The following KCNB2 variants were observed in gnomAD, a reference collection of about 807,000 sequenced individuals.
The protein encoded by KCNB2 is delayed rectifier potassium channel protein.
In KCNB2, 15 loss-of-function variants were observed where a neutral mutation model predicts 61.5. The observed-to-expected ratio is 0.24, with a 90% CI of 0.16 to 0.38. KCNB2 has a LOEUF of 0.38. Among genes scored for constraint, KCNB2 ranks in the 10% least tolerant of loss-of-function variants. The pLI, the probability that KCNB2 is intolerant of heterozygous loss-of-function variation, is 1.00. For synonymous variants in KCNB2, 457 were observed against 446.0 expected, an observed-to-expected ratio of 1.02 and a Z score of -0.31; for missense variants, 828 against 1,125.2, an observed-to-expected ratio of 0.74 and a Z score of 3.78.
At chr8:72,841,497 G>T (rs1038565225) in intron 2 of KCNB2, among the ~76,000 whole-genome samples, 1 of 150,292 alleles carries the variant, frequency 6.7e-6, no homozygotes, top group East Asian at 2.0e-4. Flanking sequence ...GATGGGGATA[G>T]CATTGAATCT....
At chr8:72,752,966 A>G (rs1459600552) in intron 2 of KCNB2, among the ~76,000 whole-genome samples, 7 of 152,184 alleles carry the variant, frequency 4.6e-5, no homozygotes, top group Non-Finnish European at 1.0e-4. Flanking sequence ...TGACATTTAG[A>G]TGACATATTT....
chr8:72,932,989 C>T (rs182380198), intron 2 of KCNB2, among the ~76,000 whole-genome samples: 8 of 152,248 alleles, frequency 5.3e-5, no homozygotes, highest in African/African-American at 1.7e-4. Context: ...TAAGTCCTTC[C>T]TCTAAATTGA....
intron 2 of KCNB2, among the ~76,000 whole-genome samples, chr8:72,749,155 A>T (rs1489291027): frequency 6.6e-6 from 1 of 152,060 alleles, no homozygotes; most frequent in African/African-American, 2.4e-5. Context: ...ACCAGGTCTC[A>T]CTCTGTTGTC....
At chr8:72,899,967 C>T (rs555920752) in intron 2 of KCNB2, among the ~76,000 whole-genome samples, 35 of 152,066 alleles carry the variant, frequency 2.3e-4, no homozygotes, top group Non-Finnish European at 3.8e-4. Flanking sequence ...CCCAGAAGTT[C>T]AAGACCAGCT....
At chr8:72,793,479 G>A (rs207469346) in intron 2 of KCNB2, among the ~76,000 whole-genome samples, 4 of 152,256 alleles carry the variant, frequency 2.6e-5, no homozygotes, top group South Asian at 4.2e-4. Flanking sequence ...AAAATACCAC[G>A]AAGGAAAGCA....
At chr8:72,633,851 C>T (rs1024248865) in intron 2 of KCNB2, among the ~76,000 whole-genome samples, 2 of 152,258 alleles carry the variant, frequency 1.3e-5, no homozygotes, top group South Asian at 2.1e-4. Context: ...GTGATATAAA[C>T]GTACCCTGCT....
At position 72,798,408 on chromosome 8, in the gene KCNB2, A is replaced by T. The variant is rs987351720; in HGVS notation, c.580-137527A>T. ...AAGGCAGGCTCTGTGTATATTTCTT[A>T]TATCATCCTACCATAGCACTCAGCA... On this transcript the variant is annotated intron_variant, in intron 2 of 2. Transcript: ENST00000523207. Among the ~76,000 whole-genome samples the T allele has an allele frequency of 5.3e-5, 8 of 152,268 alleles. No homozygotes were observed. In the East Asian group the frequency reaches 1.2e-3, roughly 22 times the overall value.
At chr8:72,614,907 T>A (rs886138591) in intron 2 of KCNB2, among the ~76,000 whole-genome samples, 1 of 152,188 alleles carries the variant, frequency 6.6e-6, no homozygotes, top group Non-Finnish European at 1.5e-5. Flanking sequence ...GCTGAAATAC[T>A]TTTGAGGGAC....
intron 2 of KCNB2, among the ~76,000 whole-genome samples, chr8:72,770,528 A>G (rs1426175603): frequency 6.6e-6 from 1 of 152,202 alleles, no homozygotes; most frequent in East Asian, 1.9e-4. Context: ...ATAGCAGTGA[A>G]GTATTGGAGC....
chr8:72,852,675 T>G (rs1810138575), intron 2 of KCNB2, among the ~76,000 whole-genome samples: 2 of 152,220 alleles, frequency 1.3e-5, no homozygotes, highest in Non-Finnish European at 2.9e-5. Flanking sequence ...AATCTGATGG[T>G]TAATTTCTCA....
At chr8:72,887,549 A>T (rs1805826753) in intron 2 of KCNB2, among the ~76,000 whole-genome samples, 1 of 152,140 alleles carries the variant, frequency 6.6e-6, no homozygotes, top group Non-Finnish European at 1.5e-5. Flanking sequence ...TTCTGACCAA[A>T]AGCCACTGTG....
chr8:72,810,124 A>G (rs968306844), intron 2 of KCNB2, among the ~76,000 whole-genome samples: 1 of 152,152 alleles, frequency 6.6e-6, no homozygotes, highest in African/African-American at 2.4e-5. Context: ...CCATGGGGAA[A>G]GAGGAATGTC....
At chr8:72,600,814 A>T (rs894637396) in intron 2 of KCNB2, among the ~76,000 whole-genome samples, 5 of 152,062 alleles carry the variant, frequency 3.3e-5, no homozygotes, top group African/African-American at 9.7e-5. Flanking sequence ...ATAGAGGGGA[A>T]CAACAAATAC....
chr8:72,805,469 T>C (rs1198937937), intron 2 of KCNB2, among the ~76,000 whole-genome samples: 1 of 152,072 alleles, frequency 6.6e-6, no homozygotes, highest in African/African-American at 2.4e-5. Flanking sequence ...CTAAGGGAAT[T>C]AGAAGATGGA....
chr8:72,688,975 T>C (rs1459159983), intron 2 of KCNB2, among the ~76,000 whole-genome samples: 2 of 152,168 alleles, frequency 1.3e-5, no homozygotes, highest in Non-Finnish European at 2.9e-5. Context: ...GCAATCTGTC[T>C]GTGTCAGTCT....
chr8:72,883,298 A>G (rs1367279413), intron 2 of KCNB2, among the ~76,000 whole-genome samples: 1 of 152,212 alleles, frequency 6.6e-6, no homozygotes, highest in Non-Finnish European at 1.5e-5. Flanking sequence ...CCAGCCACCA[A>G]CAAGCATCTT....
At chr8:72,854,321 T>C (rs898144418) in intron 2 of KCNB2, among the ~76,000 whole-genome samples, 2 of 152,212 alleles carry the variant, frequency 1.3e-5, no homozygotes, top group Non-Finnish European at 2.9e-5. Context: ...AGGTATCAGT[T>C]ATATATTTTT....
intron 2 of KCNB2, among the ~76,000 whole-genome samples, chr8:72,786,323 G>A (rs926522557): frequency 3.3e-5 from 5 of 152,114 alleles, no homozygotes; most frequent in African/African-American, 1.2e-4. Context: ...ATCTTAGCAT[G>A]AGCAATATAT....
At chr8:72,684,362 G>A (rs909040191) in intron 2 of KCNB2, among the ~76,000 whole-genome samples, 7 of 152,198 alleles carry the variant, frequency 4.6e-5, no homozygotes, top group African/African-American at 7.2e-5. Context: ...GAAAACCAGC[G>A]AGAGGTCAGG....
Sources: allele counts gnomAD v4.1 joint callset (sites outside exome capture counted in the v4.1 genomes callset), GRCh38; gene constraint gnomAD v4.1.1; transcripts MANE v1.5; gene names NCBI Gene and HGNC (gene_info 2026-07-23, HGNC 2026-07-21).